RFX3: variants seen among roughly 807,000 people sequenced by gnomAD.
RFX3 encodes the protein regulatory factor X3, also known as transcription factor RFX3.
In RFX3, 14 loss-of-function variants were observed where a neutral mutation model predicts 98.6. The observed-to-expected ratio is 0.14, with a 90% CI of 0.09 to 0.22. The LOEUF is 0.22. Ranked by LOEUF, RFX3 falls within the 10% of genes least tolerant of loss-of-function variation. The probability of loss-of-function intolerance (pLI) is 1.00; values close to 1 mark genes in which losing one functional copy is unlikely to be tolerated. For synonymous variants in RFX3, 383 were observed against 328.4 expected, an observed-to-expected ratio of 1.17 and a Z score of -1.80; for missense variants, 639 against 926.9, an observed-to-expected ratio of 0.69 and a Z score of 4.03.
intron 1 of RFX3, among the ~76,000 whole-genome samples, chr9:3,516,787 G>A (rs1288488830): frequency 6.6e-6 from 1 of 152,126 alleles, no homozygotes; most frequent in Non-Finnish European, 1.5e-5. Context: ...ATTATGTCCT[G>A]TTTTAAATAT....
intron 13 of RFX3, among the ~76,000 whole-genome samples, chr9:3,260,087 G>A (rs1822670598): frequency 6.6e-6 from 1 of 152,030 alleles, no homozygotes; most frequent in Non-Finnish European, 1.5e-5. Context: ...AAGAGGAAAA[G>A]TGCTACCTTG....
intron 2 of RFX3, among the ~76,000 whole-genome samples, chr9:3,384,179 T>C (rs1158214621): frequency 6.7e-6 from 1 of 149,500 alleles, no homozygotes; most frequent in Admixed American, 6.7e-5. Context: ...AGTCCTTTCC[T>C]CTCCACATAC....
At chr9:3,488,737 G>A in intron 1 of RFX3, 1 of 975,508 alleles carries the variant, frequency 1.0e-6, no homozygotes, top group African/African-American at 1.8e-5. Context: ...TGTAGAAAAT[G>A]CATAGGGGAA....
In RFX3 at chr9:3,416,442, C is replaced by T. The variant is rs540402284; in HGVS notation, c.-8-20846G>A. 1.4e-3 allele frequency among the ~76,000 whole-genome samples: 220 copies of T among 152,278 alleles called. 1 individual carries two copies. The highest frequency in any genetic ancestry group is 5.1e-3 in the African/African-American group (214 of 41,558). ...TGCCATTTACTAAAGCCACTTTAAACTGATCCTCAGTGTTCTCATCCAGAA... is the reference window on the plus strand; with the variant it reads ...TGCCATTTACTAAAGCCACTTTAAATTGATCCTCAGTGTTCTCATCCAGAA... On this transcript the variant is annotated intron_variant, in intron 1 of 16. Transcript: ENST00000617270.
intron 4 of RFX3, among the ~76,000 whole-genome samples, chr9:3,314,437 A>G (rs920519636): frequency 1.3e-5 from 2 of 152,218 alleles, no homozygotes; most frequent in Non-Finnish European, 2.9e-5. Flanking sequence ...TGTAAAGACC[A>G]TCGATGCTAG....
chr9:3,371,352 T>G (rs1837823338), intron 2 of RFX3, among the ~76,000 whole-genome samples: 1 of 152,206 alleles, frequency 6.6e-6, no homozygotes, highest in Non-Finnish European at 1.5e-5. Context: ...ACTCTTTAAT[T>G]TTAATACTTT....
Position 3,400,304 on chromosome 9 carries a change from G to A in RFX3, c.-8-4708C>T. On this transcript the variant is annotated intron_variant, in intron 1 of 16. Coordinates refer to ENST00000617270, the MANE Select transcript of RFX3 (RefSeq NM_001282116.2). ...AGGAGGAATCTTATAGAATAGAGTA[G>A]GGGAAATAAGATAGGTAAAAAACAA... 5 of 551,262 alleles carry A rather than the reference G, an allele frequency of 9.1e-6. No individual in the cohort carries two copies. In the South Asian group the frequency reaches 3.2e-4, roughly 35 times the overall value. The allele number at this position is 551,262 out of a possible 1,614,324, so 34.1% of individuals were successfully genotyped here.
chr9:3,311,275 A>T (rs978208596), intron 4 of RFX3, among the ~76,000 whole-genome samples: 8 of 152,218 alleles, frequency 5.3e-5, no homozygotes, highest in African/African-American at 1.9e-4. Context: ...GAAATCAGGT[A>T]AGACAAAAAC....
At chr9:3,489,370 T>C in intron 1 of RFX3, 1 of 964,510 alleles carries the variant, frequency 1.0e-6, no homozygotes, top group Non-Finnish European at 1.2e-6. Flanking sequence ...TTTTTTCACC[T>C]TTCTGAATGG....
intron 1 of RFX3, among the ~76,000 whole-genome samples, chr9:3,456,789 A>G (rs1191773395): frequency 6.6e-6 from 1 of 152,192 alleles, no homozygotes; most frequent in Non-Finnish European, 1.5e-5. Flanking sequence ...ACTCCTAGGA[A>G]GCCCATGTGG....
intron 1 of RFX3, among the ~76,000 whole-genome samples, chr9:3,505,766 A>T (rs182844339): frequency 1.0e-4 from 15 of 148,668 alleles, no homozygotes; most frequent in African/African-American, 3.7e-4. Flanking sequence ...CATCATTTAC[A>T]TATCATTTAC....
intron 9 of RFX3, among the ~76,000 whole-genome samples, chr9:3,273,113 A>G (rs1416896148): frequency 1.3e-5 from 2 of 152,204 alleles, no homozygotes; most frequent in African/African-American, 4.8e-5. Flanking sequence ...AGACTAAAAT[A>G]TATAGGCAAA....
intron 4 of RFX3, among the ~76,000 whole-genome samples, chr9:3,312,892 G>T (rs905067487): frequency 6.6e-6 from 1 of 152,214 alleles, no homozygotes; most frequent in Non-Finnish European, 1.5e-5. Context: ...GGAGCCCACC[G>T]CAGATCAAGG....
At chr9:3,289,919 T>C (rs888923409) in intron 6 of RFX3, among the ~76,000 whole-genome samples, 3 of 152,146 alleles carry the variant, frequency 2.0e-5, no homozygotes, top group African/African-American at 7.2e-5. Context: ...ATATTAATAA[T>C]AGTTCTACAT....
At chr9:3,372,763 T>G (rs1425724397) in intron 2 of RFX3, among the ~76,000 whole-genome samples, 3 of 151,960 alleles carry the variant, frequency 2.0e-5, no homozygotes, top group African/African-American at 7.3e-5. Flanking sequence ...TTTTTGTGTT[T>G]TTAGTAGAGA....
rs544810521 is a variant in RFX3, at chr9:3,220,406, A to C, written c.*4636T>G. On this transcript the variant is annotated 3_prime_UTR_variant, in exon 17 of 17. Transcript: ENST00000617270. ...TTTTAAAGGCAATCTAGGTACCTTC[A>C]ATGTGCAGAAATCAGTTATGACATA... 23 of 152,134 alleles carry C rather than the reference A, an allele frequency of 1.5e-4. No individual in the cohort carries two copies. Among genetic ancestry groups the C allele is most frequent in the Admixed American group, 2.6e-4 (4 of 15,274 alleles). The allele number at this position is 152,134 out of a possible 1,614,324, so 9.4% of individuals were successfully genotyped here.
At chr9:3,423,735 A>G (rs1195413481) in intron 1 of RFX3, among the ~76,000 whole-genome samples, 1 of 144,866 alleles carries the variant, frequency 6.9e-6, no homozygotes, top group Admixed American at 7.0e-5. Context: ...TCAACTCAAC[A>G]TTTTTTAAAA....
intron 1 of RFX3, among the ~76,000 whole-genome samples, chr9:3,487,345 A>G (rs570616890): frequency 1.3e-5 from 2 of 152,296 alleles, no homozygotes; most frequent in East Asian, 3.9e-4. Flanking sequence ...GACAGTTTCT[A>G]TTTTGATTTT....
At chr9:3,363,538 C>G (rs956206573) in intron 2 of RFX3, among the ~76,000 whole-genome samples, 1 of 152,096 alleles carries the variant, frequency 6.6e-6, no homozygotes, top group Non-Finnish European at 1.5e-5. Flanking sequence ...GCACTATAGT[C>G]TAAATAGCAG....
Sources: gnomAD v4.1 joint callset for allele counts (sites outside exome capture counted in the v4.1 genomes callset) on GRCh38, gnomAD v4.1.1 for gene constraint, MANE v1.5 for transcripts, NCBI Gene and HGNC (gene_info 2026-07-23, HGNC 2026-07-21) for gene names.